Variants in LRRC4C observed in about 807,000 individuals in gnomAD.
The protein encoded by LRRC4C is leucine rich repeat containing 4C.
In LRRC4C, 5 loss-of-function variants were observed where a neutral mutation model predicts 33.6. The ratio of observed to expected loss-of-function variants is 0.15; its 90% CI spans 0.08 to 0.31. LRRC4C has a LOEUF of 0.31. Ranked by LOEUF, LRRC4C falls within the 10% of genes least tolerant of loss-of-function variation. The probability of loss-of-function intolerance (pLI) is 1.00; values close to 1 mark genes in which losing one functional copy is unlikely to be tolerated. For synonymous variants in LRRC4C, 329 were observed against 302.0 expected (o/e 1.09, Z -0.93); for missense variants, 560 against 796.7 (o/e 0.70, Z 3.58).
chr11:40,795,740 G>T (rs1348342261), intron 2 of LRRC4C, among the ~76,000 whole-genome samples: 4 of 152,062 alleles, frequency 2.6e-5, no homozygotes, highest in Non-Finnish European at 4.4e-5. Flanking sequence ...CAAAAGAGAC[G>T]AAATATAATT....
At chr11:40,900,525 A>G (rs530202125) in intron 2 of LRRC4C, among the ~76,000 whole-genome samples, 7 of 152,222 alleles carry the variant, frequency 4.6e-5, no homozygotes, top group African/African-American at 1.7e-4. Context: ...GATGATAGCT[A>G]TGTTAAATCA....
chr11:40,548,739 C>T (rs773351231), intron 3 of LRRC4C, among the ~76,000 whole-genome samples: 1 of 152,060 alleles, frequency 6.6e-6, no homozygotes, highest in African/African-American at 2.4e-5. Context: ...TATTATGATG[C>T]TTCATGGTTA....
chr11:41,142,406 T>A (rs549317381), intron 1 of LRRC4C, among the ~76,000 whole-genome samples: 1 of 152,246 alleles, frequency 6.6e-6, no homozygotes, highest in South Asian at 2.1e-4. Context: ...ATTCACTAGG[T>A]CTGGAATGAG....
At chr11:40,948,829 C>T (rs1224214802) in intron 1 of LRRC4C, among the ~76,000 whole-genome samples, 3 of 151,590 alleles carry the variant, frequency 2.0e-5, no homozygotes, top group Admixed American at 6.6e-5. Flanking sequence ...AATAAACATA[C>T]GTGTGCATGT....
At chr11:40,797,534 G>T (rs1009759682) in intron 2 of LRRC4C, among the ~76,000 whole-genome samples, 1 of 152,102 alleles carries the variant, frequency 6.6e-6, no homozygotes, top group Non-Finnish European at 1.5e-5. Flanking sequence ...AACAAAAAGA[G>T]AGTATTTTAT....
chr11:40,436,940 C>G (rs1951165803), intron 3 of LRRC4C, among the ~76,000 whole-genome samples: 2 of 152,022 alleles, frequency 1.3e-5, no homozygotes, highest in African/African-American at 4.8e-5. Flanking sequence ...ACCTCTGAGG[C>G]CAGAGGTGGT....
chr11:40,569,041 A>C (rs1324251540), intron 3 of LRRC4C, among the ~76,000 whole-genome samples: 2 of 152,206 alleles, frequency 1.3e-5, no homozygotes, highest in African/African-American at 4.8e-5. Context: ...CACCAAACGC[A>C]GTAGCCGAGA....
chr11:41,361,007 T>C (rs533594985), intron 1 of LRRC4C, among the ~76,000 whole-genome samples: 26 of 152,184 alleles, frequency 1.7e-4, no homozygotes, highest in Non-Finnish European at 2.5e-4. Flanking sequence ...CACTACACAA[T>C]ATAAATGATT....
chr11:40,476,968 T>TC (rs1953267448), intron 3 of LRRC4C, among the ~76,000 whole-genome samples: 1 of 152,180 alleles, frequency 6.6e-6, no homozygotes, highest in African/African-American at 2.4e-5. Context: ...GCCATTTTTT[T>TC]CCCACAAAAA....
intron 1 of LRRC4C, among the ~76,000 whole-genome samples, chr11:41,408,629 A>G (rs550304960): frequency 3.3e-5 from 5 of 152,114 alleles, no homozygotes; most frequent in African/African-American, 1.2e-4. Context: ...TAAAAGCAAT[A>G]ATGATTGCTT....
At chr11:40,583,859 C>T (rs539177129) in intron 3 of LRRC4C, among the ~76,000 whole-genome samples, 23 of 151,374 alleles carry the variant, frequency 1.5e-4, no homozygotes, top group Non-Finnish European at 8.8e-5. Flanking sequence ...GCAAGCAGGA[C>T]GCATAAAGAG....
chr11:40,494,841 C>T (rs963974983), intron 3 of LRRC4C, among the ~76,000 whole-genome samples: 2 of 152,110 alleles, frequency 1.3e-5, no homozygotes, highest in African/African-American at 2.4e-5. Context: ...CAATTTAATG[C>T]TCCAAATAAG....
At chr11:40,254,682 C>T (rs1420112316) in intron 4 of LRRC4C, among the ~76,000 whole-genome samples, 1 of 152,202 alleles carries the variant, frequency 6.6e-6, no homozygotes, top group Non-Finnish European at 1.5e-5. Flanking sequence ...TGAGTGCCTA[C>T]TATGTACCTT....
intron 1 of LRRC4C, among the ~76,000 whole-genome samples, chr11:41,041,537 TAAAG>T (rs1456153612): frequency 6.6e-6 from 1 of 152,014 alleles, no homozygotes; most frequent in Non-Finnish European, 1.5e-5. Flanking sequence ...CTAGATTTTA[TAAAG>T]ATTATTACAT....
At chr11:40,973,871 T>G (rs896140783) in intron 1 of LRRC4C, among the ~76,000 whole-genome samples, 1 of 152,144 alleles carries the variant, frequency 6.6e-6, no homozygotes, top group Non-Finnish European at 1.5e-5. Flanking sequence ...ACTCATATAA[T>G]AGATAAAACA....
chr11:40,316,711 A>G (rs563365320), intron 4 of LRRC4C, among the ~76,000 whole-genome samples: 5 of 152,120 alleles, frequency 3.3e-5, no homozygotes, highest in Admixed American at 2.6e-4. Flanking sequence ...TTTATTTATC[A>G]TATGCGTGAC....
chr11:41,342,413 T>G (rs1565596603), intron 1 of LRRC4C, among the ~76,000 whole-genome samples: 3 of 152,174 alleles, frequency 2.0e-5, no homozygotes, highest in Non-Finnish European at 4.4e-5. Flanking sequence ...CAACTAAAGT[T>G]AAATCAAAAA....
chr11:40,599,590 A>G (rs935345822), intron 3 of LRRC4C, among the ~76,000 whole-genome samples: 5 of 152,176 alleles, frequency 3.3e-5, no homozygotes, highest in African/African-American at 1.2e-4. Flanking sequence ...TTTGTTTTTC[A>G]TCATCTGCCT....
chr11:41,349,740 G>A (rs924130851), intron 1 of LRRC4C, among the ~76,000 whole-genome samples: 2 of 152,054 alleles, frequency 1.3e-5, no homozygotes, highest in Non-Finnish European at 2.9e-5. Flanking sequence ...TAAGAACTCC[G>A]GCAACTCTAA....
Sources: gnomAD v4.1 joint callset for allele counts (sites outside exome capture counted in the v4.1 genomes callset) on GRCh38, gnomAD v4.1.1 for gene constraint, MANE v1.5 for transcripts, NCBI Gene and HGNC (gene_info 2026-07-23, HGNC 2026-07-21) for gene names.